Variants in NECTIN2 observed in about 807,000 individuals in gnomAD.
NECTIN2 encodes nectin cell adhesion molecule 2, also known as nectin-2.
A neutral mutation model predicts 56.9 loss-of-function variants in NECTIN2; 23 were observed. The ratio of observed to expected loss-of-function variants is 0.40; its 90% CI spans 0.29 to 0.57. NECTIN2 has a LOEUF of 0.57. Among genes scored for constraint, NECTIN2 ranks in the 20% least tolerant of loss-of-function variants. NECTIN2 has a pLI of 0.38. For synonymous variants in NECTIN2, 302 were observed against 313.8 expected, an observed-to-expected ratio of 0.96 and a Z score of 0.40; for missense variants, 587 against 718.3, an observed-to-expected ratio of 0.82 and a Z score of 2.09.
intron 6 of NECTIN2, among the ~76,000 whole-genome samples, chr19:44,883,816 C>T (rs1054147786): frequency 6.6e-6 from 1 of 152,036 alleles, no homozygotes; most frequent in Admixed American, 6.6e-5. Flanking sequence ...CAGAGCAAGA[C>T]CCTGTATCTT....
intron 1 of NECTIN2, among the ~76,000 whole-genome samples, chr19:44,854,847 C>T (rs957004312): frequency 4.0e-5 from 6 of 151,622 alleles, no homozygotes; most frequent in Non-Finnish European, 7.4e-5. Context: ...TCTGAGTTGC[C>T]GGGCGCGGTG....
intron 8 of NECTIN2, among the ~76,000 whole-genome samples, chr19:44,887,399 T>G (rs1969372737): frequency 6.6e-6 from 1 of 152,052 alleles, no homozygotes; most frequent in Non-Finnish European, 1.5e-5. Context: ...TCCCAGCACT[T>G]TGGGAGGCCA....
chr19:44,886,041 C>T (rs1341142285), intron 7 of NECTIN2, 41 bp downstream of exon 7: 1 of 1,575,504 alleles, frequency 6.3e-7, no homozygotes, highest in Non-Finnish European at 8.7e-7. Context: ...CCCACCTCCA[C>T]ACCCACCCCA....
intron 5 of NECTIN2, chr19:44,878,071 C>T: frequency 1.9e-6 from 1 of 515,556 alleles, no homozygotes; most frequent in Non-Finnish European, 3.4e-6. Flanking sequence ...CTCCATTCTT[C>T]TGCCCAGAGT....
In NECTIN2 at chr19:44,871,963, C is replaced by T. The variant is rs759395159; in HGVS notation, c.589C>T (p.Leu197Phe). 4 of 1,614,182 alleles carry T rather than the reference C, an allele frequency of 2.5e-6. No individual in the cohort carries two copies. The highest frequency in any genetic ancestry group is 3.4e-6 in the Non-Finnish European group (4 of 1,180,028). ...CCGCCCACCTGCCCGGATCTCCTGGCTCTCATCCCTGGACTGGGAAGCCAA... is the reference window on the plus strand; with the variant it reads ...CCGCCCACCTGCCCGGATCTCCTGGTTCTCATCCCTGGACTGGGAAGCCAA... ...EGRPPARISW[L>F]SSLDWEAKET... is the part of the protein sequence containing the mutation. The change falls in exon 3 of 9, where the codon CTC becomes TTC. Residue 197 changes from leucine (L) to phenylalanine (F), a missense_variant. Coordinates refer to ENST00000252483, the MANE Select transcript of NECTIN2 (RefSeq NM_001042724.2).
Position 44,888,215 on chromosome 19 carries a change from C to A in NECTIN2, c.1453C>A (p.Pro485Thr), listed in dbSNP as rs202150180. 8 of 1,614,156 alleles carry A rather than the reference C, an allele frequency of 5.0e-6. No homozygotes were observed. In the South Asian group the frequency reaches 8.8e-5, roughly 18 times the overall value. ...GSPIPVPPGPPAVEDVSLDLE... is the reference protein window; with the variant it reads ...GSPIPVPPGPTAVEDVSLDLE... ...CCCCATCCCGGTGCCTCCAGGGCCA[C>A]CTGCTGTGGAAGACGTTTCCCTGGA... Residue 485 changes from proline (P) to threonine (T), a missense_variant, in exon 9 of 9, where the codon CCT becomes ACT. Transcript: ENST00000252483.
At chr19:44,884,624 A>G (rs1490353699) in intron 6 of NECTIN2, among the ~76,000 whole-genome samples, 1 of 152,196 alleles carries the variant, frequency 6.6e-6, no homozygotes, top group Non-Finnish European at 1.5e-5. Context: ...TGGAGCTCAC[A>G]ATATGGAGGA....
At position 44,885,959 on chromosome 19, in the gene NECTIN2, A is replaced by G. The variant is rs1969356259; in HGVS notation, c.1219A>G (p.Lys407Glu). The G allele has an allele frequency of 1.3e-6, 2 of 1,598,910 alleles. No homozygotes were observed. The highest frequency in any genetic ancestry group is 1.3e-5 in the African/African-American group (1 of 74,554). ...DEDLEGPPSY[K>E]PPTPKAKLEA... Reference sequence around the variant, plus strand: ...CAGCCTGGAGGGACCTCCCTCCTACAAGCCACCGACCCCAAAAGCGAAGCT... The same window carrying G: ...CAGCCTGGAGGGACCTCCCTCCTACGAGCCACCGACCCCAAAAGCGAAGCT... Residue 407 changes from lysine (K) to glutamate (E), a missense_variant, in exon 7 of 9, where the codon AAG (lysine) becomes GAG (glutamate). Transcript: ENST00000252483.
At chr19:44,878,786 G>A in intron 5 of NECTIN2, 1 of 1,414,248 alleles carries the variant, frequency 7.1e-7, no homozygotes, top group Non-Finnish European at 9.2e-7. Context: ...CAGCACACTG[G>A]ACTTCTCCCG....
chr19:44,881,877 G>T (rs368375013), intron 5 of NECTIN2: 204 of 185,244 alleles, frequency 1.1e-3, no homozygotes, highest in Non-Finnish European at 2.0e-3. Context: ...TATCACTTCC[G>T]CACTGTATAT....
chr19:44,874,798 A>G lies in NECTIN2; in HGVS notation c.1042+320A>G, dbSNP rs954997232. Reference sequence around the variant, plus strand: ...TGCCCTGGGCTCCAGCTCCTGAGAAAGACGCACACCTAGAGTCAGGCATGC... The same window carrying G: ...TGCCCTGGGCTCCAGCTCCTGAGAAGGACGCACACCTAGAGTCAGGCATGC... On this transcript the variant is annotated intron_variant, in intron 5 of 8. Transcript: ENST00000252483. This position sits in a 1 kb window ranked among gnomAD's most constrained non-coding sequence, Gnocchi z 6.3. The G allele has an allele frequency of 1.0e-5, 3 of 289,590 alleles. No individual in the cohort carries two copies. Among genetic ancestry groups the G allele is most frequent in the Admixed American group, 4.1e-5 (1 of 24,106 alleles). The allele number at this position is 289,590 out of a possible 1,614,324, so 17.9% of individuals were successfully genotyped here.
intron 1 of NECTIN2, among the ~76,000 whole-genome samples, chr19:44,853,258 G>A (rs1004378167): frequency 3.9e-5 from 6 of 151,962 alleles, no homozygotes; most frequent in African/African-American, 1.2e-4. Flanking sequence ...GTGCAGTGGC[G>A]CGATCTCAGC....
chr19:44,876,195 C>T (rs1969235101), intron 5 of NECTIN2, among the ~76,000 whole-genome samples: 1 of 152,104 alleles, frequency 6.6e-6, no homozygotes, highest in Admixed American at 6.6e-5. Flanking sequence ...GTTGGGAATA[C>T]AATGGTGAAT....
At position 44,865,314 on chromosome 19, in the gene NECTIN2, C is replaced by T. The variant is rs1969085492; in HGVS notation, c.132C>T (p.Gly44=). 6.2e-7 allele frequency: 1 copy of T among 1,613,670 alleles called. No homozygotes were observed. Reference sequence around the variant, plus strand: ...TTCAAGTGCTACCCGAGGTGCGAGGCCAGCTCGGGGGCACCGTGGAGCTGC... The same window carrying T: ...TTCAAGTGCTACCCGAGGTGCGAGGTCAGCTCGGGGGCACCGTGGAGCTGC... ...VRVQVLPEVR[G]QLGGTVELPC... Residue 44 remains glycine (G), a synonymous_variant, in exon 2 of 9, where the codon GGC becomes GGT. Coordinates refer to ENST00000252483, the MANE Select transcript of NECTIN2 (RefSeq NM_001042724.2). This position sits in a 1 kb window ranked among gnomAD's most constrained non-coding sequence, Gnocchi z 5.2.
At chr19:44,864,720 C>T (rs1203013864) in intron 1 of NECTIN2, among the ~76,000 whole-genome samples, 1 of 152,040 alleles carries the variant, frequency 6.6e-6, no homozygotes, top group Non-Finnish European at 1.5e-5. Flanking sequence ...CCCAGGTACT[C>T]AGGAGGCTGA....
Position 44,879,694 on chromosome 19 carries a change from C to T in NECTIN2, c.1043-2517C>T, listed in dbSNP as rs113828906. On this transcript the variant is annotated intron_variant, in intron 5 of 8. Transcript: ENST00000252483. ...GCTCAGTAAGGGACAGGTTTTTACC[C>T]GCGTCACCTCTGCTCTCCCAAGCCT... Among the ~76,000 whole-genome samples the T allele has an allele frequency of 9.1e-3, 1,392 of 152,178 alleles. 21 individuals carry two copies. Among genetic ancestry groups the T allele is most frequent in the African/African-American group, 0.03 (1,250 of 41,508 alleles).
At chr19:44,887,486 A>G (rs1012366394) in intron 8 of NECTIN2, among the ~76,000 whole-genome samples, 3 of 151,730 alleles carry the variant, frequency 2.0e-5, no homozygotes, top group Non-Finnish European at 2.9e-5. Context: ...TCTACTAAAA[A>G]TTACAAAAAT....
chr19:44,850,661 A>G (rs189200076), intron 1 of NECTIN2, among the ~76,000 whole-genome samples: 55 of 152,048 alleles, frequency 3.6e-4, no homozygotes, highest in African/African-American at 1.2e-3. Flanking sequence ...ACAAAACAAA[A>G]CACACGGATT....
rs1249666029 is a variant in NECTIN2 at position 44,874,029 on chromosome 19, A to C, written c.889A>C (p.Ser297Arg). 1.9e-6 allele frequency: 3 copies of C among 1,611,482 alleles called. No homozygotes were observed. The highest frequency in any genetic ancestry group is 2.5e-6 in the Non-Finnish European group (3 of 1,178,218). The change falls in exon 4 of 9, where the codon AGC becomes CGC. Residue 297 changes from serine (S) to arginine (R), a missense_variant. By Grantham distance (110) the Ser-to-Arg change is moderately radical (BLOSUM62 -1). Coordinates refer to ENST00000252483, the MANE Select transcript of NECTIN2 (RefSeq NM_001042724.2). This position sits in a 1 kb window ranked among gnomAD's most constrained non-coding sequence, Gnocchi z 6.3. ...CCCAGAGCCCACGGGCTATGACTGG[A>C]GCACGTGAGTCACGTGGTCTCAGAA... ...SNPEPTGYDW[S>R]TTSGTFPTSA...
Sources: gnomAD v4.1 joint callset for allele counts (sites outside exome capture counted in the v4.1 genomes callset) on GRCh38, gnomAD v4.1.1 for gene constraint, Gnocchi (gnomAD v3.1) non-coding constraint, MANE v1.5 for transcripts, NCBI Gene and HGNC (gene_info 2026-07-23, HGNC 2026-07-21) for gene names.